Variants in ARG2 observed in about 807,000 individuals in gnomAD.
The protein encoded by ARG2 is arginase-2, mitochondrial.
ARG2 carries 21 observed loss-of-function variants against 39.4 expected under a neutral mutation model. The ratio of observed to expected loss-of-function variants is 0.53; its 90% CI spans 0.38 to 0.77. ARG2 has a LOEUF of 0.77. ARG2 is among the 30% of genes least tolerant of loss of function. The pLI is 0.00. For missense variants in ARG2, 378 were observed against 426.2 expected (o/e 0.89, Z 1.00); for synonymous variants, 150 against 156.7 (o/e 0.96, Z 0.32).
At chr14:67,645,559 T>C in intron 3 of ARG2, 84 bp from the exon 4 acceptor site, 1 of 1,480,902 alleles carries the variant, frequency 6.8e-7, no homozygotes, top group Non-Finnish European at 9.2e-7. Context: ...GTGGAGAGAG[T>C]ATAAGTTGTT....
At chr14:67,647,167 T>C in intron 6 of ARG2, 142 bp downstream of exon 6, 1 of 574,248 alleles carries the variant, frequency 1.7e-6, no homozygotes, top group South Asian at 2.5e-5. Context: ...AGGCAAAATT[T>C]GAAACACAGG....
At chr14:67,627,926 GTTCT>G (rs1158535351) in intron 2 of ARG2, among the ~76,000 whole-genome samples, 2 of 152,188 alleles carry the variant, frequency 1.3e-5, no homozygotes, top group Non-Finnish European at 2.9e-5. Flanking sequence ...AAAGTTCTGG[GTTCT>G]TTGACTTCTA....
At chr14:67,643,902 G>A (rs1161318943) in intron 3 of ARG2, among the ~76,000 whole-genome samples, 3 of 139,380 alleles carry the variant, frequency 2.2e-5, no homozygotes, top group African/African-American at 5.4e-5. Flanking sequence ...TGAAGAAAAC[G>A]GTCACACCCA....
At chr14:67,626,366 C>T (rs894780372) in intron 2 of ARG2, among the ~76,000 whole-genome samples, 11 of 152,122 alleles carry the variant, frequency 7.2e-5, no homozygotes, top group Non-Finnish European at 1.5e-4. Flanking sequence ...TAAAAAGATT[C>T]GACCTGTCAT....
chr14:67,632,882 G>A (rs903327667), intron 2 of ARG2, among the ~76,000 whole-genome samples: 4 of 135,308 alleles, frequency 3.0e-5, no homozygotes, highest in East Asian at 2.3e-4. Context: ...GTGCAGTGGC[G>A]TGATCTCGGC....
rs988252369 is a variant in ARG2 at position 67,628,802 on chromosome 14, A to T, written c.184+7836A>T. The stretch of plus-strand genomic sequence containing the variant: ...GGTAGGAACATAAAATGGAGCTGCT[A>T]TGGAAAACGGTATGGCAACTCCTCT... On this transcript the variant is annotated intron_variant, in intron 2 of 7. Coordinates refer to ENST00000261783, the MANE Select transcript of ARG2 (RefSeq NM_001172.4). Among the ~76,000 whole-genome samples, 5 of 152,368 alleles carry T rather than the reference A, an allele frequency of 3.3e-5. No individual in the cohort carries two copies. In the South Asian group the frequency reaches 1.0e-3, roughly 32 times the overall value.
chr14:67,636,546 A>G (rs2036973702), intron 2 of ARG2, among the ~76,000 whole-genome samples: 1 of 152,220 alleles, frequency 6.6e-6, no homozygotes, highest in Non-Finnish European at 1.5e-5. Flanking sequence ...CCTGAAATAG[A>G]AGTGCTGTTC....
chr14:67,642,312 G>A lies in ARG2; in HGVS notation c.311G>A (p.Ser104Asn). Reference protein sequence around the residue: ...LANQELAEVVSRAVSDGYSCV... With the variant: ...LANQELAEVVNRAVSDGYSCV... ...AACCAGGAACTGGCTGAGGTGGTTAGCAGAGCTGTGTCAGATGGCTACAGC... is the reference window on the plus strand; with the variant it reads ...AACCAGGAACTGGCTGAGGTGGTTAACAGAGCTGTGTCAGATGGCTACAGC... The change falls in exon 3 of 8, where the codon AGC (serine) becomes AAC (asparagine). Residue 104 changes from serine to asparagine, a missense_variant. Physicochemically the swap from Ser to Asn is conservative, Grantham distance 46 (BLOSUM62 1). Transcript: ENST00000261783. 1 of 1,614,132 alleles carries A rather than the reference G, an allele frequency of 6.2e-7. No homozygotes were observed.
intron 2 of ARG2, among the ~76,000 whole-genome samples, chr14:67,624,937 T>TTGCC (rs2036847407): frequency 6.6e-6 from 1 of 152,116 alleles, no homozygotes; most frequent in Non-Finnish European, 1.5e-5. Context: ...GGACAACCGA[T>TTGCC]AGCCTGCAAT....
At chr14:67,620,856 T>G in intron 1 of ARG2, 38 bp from the exon 2 acceptor site, 1 of 1,611,976 alleles carries the variant, frequency 6.2e-7, no homozygotes, top group South Asian at 1.1e-5. Flanking sequence ...TTCCGACACC[T>G]TCTCTACCTC....
At chr14:67,629,443 A>G (rs1349787190) in intron 2 of ARG2, among the ~76,000 whole-genome samples, 2 of 152,250 alleles carry the variant, frequency 1.3e-5, no homozygotes, top group East Asian at 3.8e-4. Flanking sequence ...AAGGACAAAT[A>G]CAGCATGATT....
chr14:67,623,121 T>C (rs901543340), intron 2 of ARG2, among the ~76,000 whole-genome samples: 2 of 152,208 alleles, frequency 1.3e-5, no homozygotes, highest in African/African-American at 4.8e-5. Flanking sequence ...AGCTGACTGG[T>C]AGCTCAGTAT....
chr14:67,649,435 T>C (rs530989105), intron 7 of ARG2: 21 of 152,158 alleles, frequency 1.4e-4, no homozygotes, highest in Admixed American at 2.0e-4. Context: ...CACTGCACTG[T>C]TATAATGCTG....
chr14:67,641,056 A>C (rs1035812616), intron 2 of ARG2, among the ~76,000 whole-genome samples: 3 of 152,230 alleles, frequency 2.0e-5, no homozygotes, highest in Admixed American at 6.5e-5. Context: ...TATCAGTAGC[A>C]TATAAATTCA....
At chr14:67,641,120 G>A (rs982365688) in intron 2 of ARG2, among the ~76,000 whole-genome samples, 1 of 152,176 alleles carries the variant, frequency 6.6e-6, no homozygotes, top group Non-Finnish European at 1.5e-5. Flanking sequence ...GGGTGGCTGT[G>A]ATAGTGACAC....
intron 3 of ARG2, 108 bp from the exon 4 acceptor site, chr14:67,645,535 C>T: frequency 2.4e-6 from 3 of 1,269,604 alleles, no homozygotes; most frequent in Non-Finnish European, 3.2e-6. Flanking sequence ...CCATCTAGGC[C>T]CTGGCTTTGC....
At chr14:67,622,108 C>T (rs1412978864) in intron 2 of ARG2, among the ~76,000 whole-genome samples, 1 of 152,054 alleles carries the variant, frequency 6.6e-6, no homozygotes, top group Admixed American at 6.6e-5. Context: ...AAATAAATAC[C>T]TTTATGGCAG....
chr14:67,628,076 T>C lies in ARG2; in HGVS notation c.184+7110T>C, dbSNP rs145457984. On this transcript the variant is annotated intron_variant, in intron 2 of 7. Transcript: ENST00000261783. ...GTGCCCTTGGGGGATGGGCCACCTG[T>C]AGCAGAGGAATAGGAGCTGAGGCAT... Among the ~76,000 whole-genome samples, 7 of 152,340 alleles carry C rather than the reference T, an allele frequency of 4.6e-5. No homozygotes were observed. In the East Asian group the frequency reaches 1.2e-3, roughly 25 times the overall value.
chr14:67,625,637 G>A (rs2036856796), intron 2 of ARG2, among the ~76,000 whole-genome samples: 1 of 134,254 alleles, frequency 7.4e-6, no homozygotes. Flanking sequence ...CCGAGATTGT[G>A]CCATTGCAGT....
Sources: allele counts gnomAD v4.1 joint callset (sites outside exome capture counted in the v4.1 genomes callset), GRCh38; gene constraint gnomAD v4.1.1; transcripts MANE v1.5; gene names NCBI Gene and HGNC (gene_info 2026-07-23, HGNC 2026-07-21).